FOXN3: variants seen among roughly 807,000 people sequenced by gnomAD.
The protein encoded by FOXN3 is forkhead box N3.
In FOXN3, 7 loss-of-function variants were observed where a neutral mutation model predicts 38.4. The observed-to-expected ratio is 0.18, with a 90% CI of 0.10 to 0.34. The LOEUF is 0.34. Ranked by LOEUF, FOXN3 falls within the 10% of genes least tolerant of loss-of-function variation. The pLI is 1.00. For missense variants in FOXN3, 456 were observed against 613.4 expected, an observed-to-expected ratio of 0.74 and a Z score of 2.71; for synonymous variants, 230 against 242.2, an observed-to-expected ratio of 0.95 and a Z score of 0.47.
intron 4 of FOXN3, among the ~76,000 whole-genome samples, chr14:89,242,406 A>T (rs1885166731): frequency 6.6e-6 from 1 of 152,084 alleles, no homozygotes; most frequent in Admixed American, 6.5e-5. Context: ...TATCTGTATA[A>T]ATCTCCATCA....
At chr14:89,419,167 AAG>A (rs1891840288), upstream of FOXN3, 1 of 455,936 alleles carries the variant, frequency 2.2e-6, no homozygotes, top group African/African-American at 2.0e-5. Flanking sequence ...CAGTTGCAGC[AAG>A]AGATGTGAGA....
At chr14:89,332,386 T>A (rs1566958817) in intron 3 of FOXN3, among the ~76,000 whole-genome samples, 1 of 152,128 alleles carries the variant, frequency 6.6e-6, no homozygotes, top group Non-Finnish European at 1.5e-5. Flanking sequence ...GTACAGTCAG[T>A]TCCCATATAC....
chr14:89,405,552 C>T (rs1471724674), intron 2 of FOXN3, among the ~76,000 whole-genome samples: 2 of 152,104 alleles, frequency 1.3e-5, no homozygotes, highest in Non-Finnish European at 2.9e-5. Flanking sequence ...GGGAGAAAAG[C>T]TTCCTCACTT....
At chr14:89,448,770 C>T (rs1385479393) in intron 1 of FOXN3, among the ~76,000 whole-genome samples, 1 of 151,362 alleles carries the variant, frequency 6.6e-6, no homozygotes, top group African/African-American at 2.4e-5. Context: ...GAGACCCCAT[C>T]TCTAAAAAAA....
intron 3 of FOXN3, among the ~76,000 whole-genome samples, chr14:89,318,036 G>A (rs945873598): frequency 1.2e-4 from 18 of 151,640 alleles, no homozygotes; most frequent in African/African-American, 4.4e-4. Context: ...TGCCAAAAAG[G>A]TTGGGGACTG....
chr14:89,439,431 T>C (rs1010009964), intron 1 of FOXN3, among the ~76,000 whole-genome samples: 1 of 152,146 alleles, frequency 6.6e-6, no homozygotes, highest in African/African-American at 2.4e-5. Context: ...AAAACCAAGA[T>C]GGTGACGAGA....
chr14:89,567,754 GCT>G (rs1895392716), intron 1 of FOXN3, among the ~76,000 whole-genome samples: 1 of 135,762 alleles, frequency 7.4e-6, no homozygotes. Flanking sequence ...ACAGAGTCTC[GCT>G]CTGTCTCCCA....
intron 4 of FOXN3, among the ~76,000 whole-genome samples, chr14:89,253,791 T>C (rs1181817670): frequency 6.6e-6 from 1 of 152,178 alleles, no homozygotes; most frequent in East Asian, 1.9e-4. Flanking sequence ...CCAATCTCTT[T>C]CCTGAAATCC....
intron 4 of FOXN3, among the ~76,000 whole-genome samples, chr14:89,243,216 A>T (rs987031987): frequency 7.2e-5 from 11 of 152,286 alleles, no homozygotes; most frequent in Non-Finnish European, 1.2e-4. Context: ...AAATTTTTTT[A>T]AAAAAAGCAA....
intron 3 of FOXN3, among the ~76,000 whole-genome samples, chr14:89,288,584 C>G (rs577433675): frequency 6.8e-6 from 1 of 147,656 alleles, no homozygotes; most frequent in African/African-American, 2.5e-5. Flanking sequence ...GGTATGTGAG[C>G]ATTAATAATC....
intron 1 of FOXN3, among the ~76,000 whole-genome samples, chr14:89,426,114 C>T (rs1031192030): frequency 1.3e-5 from 2 of 151,350 alleles, no homozygotes; most frequent in African/African-American, 4.8e-5. Flanking sequence ...CCAAAACAAG[C>T]GGGCAGAACA....
chr14:89,164,086 G>A lies in FOXN3; in HGVS notation c.852-1117C>T, dbSNP rs1324301969. Reference sequence around the variant, plus strand: ...TGTGGGGCTGAGGACACGAATTAATGCCTGCAGGTGCCTGGACCACGGCTT... The same window carrying A: ...TGTGGGGCTGAGGACACGAATTAATACCTGCAGGTGCCTGGACCACGGCTT... On this transcript the variant is annotated intron_variant, in intron 5 of 5. Transcript: ENST00000557258. The surrounding 1 kb of genome is among the most constrained non-coding windows in gnomAD (Gnocchi z 4.3). Among the ~76,000 whole-genome samples, 2 of 152,212 alleles carry A rather than the reference G, an allele frequency of 1.3e-5. No individual in the cohort carries two copies. Among genetic ancestry groups the A allele is most frequent in the Non-Finnish European group, 2.9e-5 (2 of 68,034 alleles).
chr14:89,364,732 C>T (rs1206211665), intron 2 of FOXN3: 1 of 152,218 alleles, frequency 6.6e-6, no homozygotes, highest in Non-Finnish European at 1.5e-5. Flanking sequence ...TATTCAGACA[C>T]CTGAGCTCTG....
chr14:89,487,020 A>T (rs1043248322), intron 1 of FOXN3, among the ~76,000 whole-genome samples: 1 of 152,206 alleles, frequency 6.6e-6, no homozygotes, highest in African/African-American at 2.4e-5. Flanking sequence ...ATAAAGGAAA[A>T]ACATCAGAGC....
intron 1 of FOXN3, among the ~76,000 whole-genome samples, chr14:89,453,282 C>T (rs1019511118): frequency 6.6e-6 from 1 of 151,906 alleles, no homozygotes; most frequent in Non-Finnish European, 1.5e-5. Context: ...GCAGGCCAGG[C>T]TCGGTGGCTC....
chr14:89,438,456 A>G (rs1892314865), intron 1 of FOXN3, among the ~76,000 whole-genome samples: 1 of 152,260 alleles, frequency 6.6e-6, no homozygotes, highest in Non-Finnish European at 1.5e-5. Flanking sequence ...TTAGCTATCA[A>G]TAGTGAAGAA....
chr14:89,417,515 G>GGGCGGTGGGGCAGGTGGGTCA (rs1469819916), upstream of FOXN3: 1 of 164,118 alleles, frequency 6.1e-6, no homozygotes, highest in African/African-American at 2.4e-5. Context: ...CCGCGACCGT[G>GGGCGGTGGGGCAGGTGGGTCA]GGCGGTGGGG....
At chr14:89,331,495 C>G (rs1346119099) in intron 3 of FOXN3, among the ~76,000 whole-genome samples, 1 of 152,030 alleles carries the variant, frequency 6.6e-6, no homozygotes, top group Non-Finnish European at 1.5e-5. Context: ...GCTTTTTAAA[C>G]AGGATGGTCT....
At chr14:89,229,288 G>T (rs1807051255) in intron 4 of FOXN3, among the ~76,000 whole-genome samples, 1 of 152,204 alleles carries the variant, frequency 6.6e-6, no homozygotes, top group African/African-American at 2.4e-5. Context: ...CTTAGTCAAA[G>T]ATTTTGTTGT....
Sources: allele counts gnomAD v4.1 joint callset (sites outside exome capture counted in the v4.1 genomes callset), GRCh38; gene constraint gnomAD v4.1.1; non-coding constraint Gnocchi (gnomAD v3.1); transcripts MANE v1.5; gene names NCBI Gene and HGNC (gene_info 2026-07-23, HGNC 2026-07-21).